OPLAH: variants seen among roughly 807,000 people sequenced by gnomAD.
OPLAH encodes 5-oxoprolinase.
In OPLAH, 103 loss-of-function variants were observed where a neutral mutation model predicts 122.8. The observed-to-expected ratio is 0.84, with a 90% CI of 0.71 to 0.99. The LOEUF is 0.99. OPLAH is among the 50% of genes least tolerant of loss of function. The pLI, the probability that OPLAH is intolerant of heterozygous loss-of-function variation, is 0.00. For missense variants in OPLAH, 1,902 were observed against 1,836.5 expected (o/e 1.04, Z -0.65); for synonymous variants, 875 against 796.0 (o/e 1.10, Z -1.67).
At chr8:144,058,740 T>G in intron 5 of OPLAH, 33 bp downstream of exon 5, 1 of 1,582,558 alleles carries the variant, frequency 6.3e-7, no homozygotes. Context: ...GCCCGGCACC[T>G]GCTCCCGCAG....
rs373316805 is a variant in OPLAH, at chr8:144,059,648, C to T, written c.314G>A (p.Arg105Gln). 2.5e-6 allele frequency: 4 copies of T among 1,612,220 alleles called. No homozygotes were observed. The highest frequency in any genetic ancestry group is 1.3e-5 in the African/African-American group (1 of 74,944). ...TTGGGTGCCAATGTGCAGCAGGTCT[C>T]GGAAGCCACGTGTCACCAGCAGCGC... ...RVALLVTRGF[R>Q]DLLHIGTQAR... Residue 105 changes from arginine to glutamine, a missense_variant, in exon 3 of 27, where the codon CGA (arginine) becomes CAA (glutamine). Arg to Gln is a conservative substitution (Grantham distance 43). Coordinates refer to ENST00000618853, the MANE Select transcript of OPLAH (RefSeq NM_017570.5).
Position 144,055,080 on chromosome 8 carries a change from G to T in OPLAH, c.2358C>A (p.Ala786=). ...CACCCAGGTGCACAGGGATGTGGGG[G>T]GCATTGGACACCAGCCCCCCATCGG... ...FGPDGGLVSN[A]PHIPVHLGAM... is the part of the protein sequence containing the mutation. The change falls in exon 17 of 27, where the codon GCC becomes GCA. Residue 786 remains alanine, a synonymous_variant. Transcript: ENST00000618853. The surrounding 1 kb of genome is among the most constrained non-coding windows in gnomAD (Gnocchi z 6.5). The T allele has an allele frequency of 1.3e-6, 2 of 1,562,896 alleles. 1 individual carries two copies. Among genetic ancestry groups the T allele is most frequent in the Non-Finnish European group, 1.7e-6 (2 of 1,155,124 alleles).
chr8:144,056,790 C>G, intron 12 of OPLAH, 35 bp from the exon 13 acceptor site: 1 of 1,579,314 alleles, frequency 6.3e-7, no homozygotes, highest in Non-Finnish European at 8.6e-7. Context: ...CACACCAAAC[C>G]CCCTGCCCTG....
At chr8:144,050,931 C>T (rs1255821593), downstream of OPLAH, 14 of 1,021,132 alleles carry the variant, frequency 1.4e-5, no homozygotes, top group East Asian at 1.0e-3. Context: ...ATGACACCGC[C>T]CCCCTACCAG....
At position 144,051,570 on chromosome 8, in the gene OPLAH, C is replaced by T. The variant is rs534883316; in HGVS notation, c.3721-98G>A. ...CCTCCCCACCGGGCAGCGTCCATCA[C>T]CCGCCCCCATGGACCACGGAGGCCC... On this transcript the variant is annotated intron_variant, in intron 26 of 26. Transcript: ENST00000618853. The T allele has an allele frequency of 2.5e-6, 3 of 1,215,798 alleles. No homozygotes were observed. In the African/African-American group the frequency reaches 4.7e-5, roughly 19 times the overall value. 75.3% of individuals were successfully genotyped at this position (1,215,798 alleles called of 1,614,324 possible). A position where few individuals can be genotyped will look rare whatever the true frequency, so the allele number is the denominator to read the frequency against.
At position 144,052,515 on chromosome 8, in the gene OPLAH, G is replaced by A. The variant is rs1360337284; in HGVS notation, c.3237C>T (p.Asn1079=). Residue 1079 remains asparagine, a synonymous_variant, in exon 23 of 27, where the codon AAC becomes AAT. Coordinates refer to ENST00000618853, the MANE Select transcript of OPLAH (RefSeq NM_017570.5). Reference sequence around the variant, plus strand: ...CCACCACGCGCTGCGACGTGAGCACGTTGCCGCCCACCACCGCCGCCTCGG... The same window carrying A: ...CCACCACGCGCTGCGACGTGAGCACATTGCCGCCCACCACCGCCGCCTCGG... The part of the protein sequence containing the change: ...PSPEAAVVGG[N]VLTSQRVVDV... 4 of 1,582,780 alleles carry A rather than the reference G, an allele frequency of 2.5e-6. No homozygotes were observed. Among genetic ancestry groups the A allele is most frequent in the Non-Finnish European group, 3.4e-6 (4 of 1,171,226 alleles).
rs1835618810 is a variant in OPLAH at position 144,059,662 on chromosome 8, C to T, written c.300G>A (p.Val100=). 1 of 1,612,590 alleles carries T rather than the reference C, an allele frequency of 6.2e-7. No individual in the cohort carries two copies. Among genetic ancestry groups the T allele is most frequent in the African/African-American group, 1.3e-5 (1 of 75,080 alleles). Residue 100 remains valine (V), a synonymous_variant, in exon 3 of 27, where the codon GTG becomes GTA. Transcript: ENST00000618853. ...GCAGCAGGTCTCGGAAGCCACGTGT[C>T]ACCAGCAGCGCCACCCGCTCCCCCT... ...ERKGERVALL[V]TRGFRDLLHI...
In OPLAH at chr8:144,056,427, C is replaced by T. The variant is rs1391440406; in HGVS notation, c.1941G>A (p.Glu647=). 12 of 1,609,100 alleles carry T rather than the reference C, an allele frequency of 7.5e-6. No homozygotes were observed. In the Admixed American group the frequency reaches 8.4e-5, roughly 11 times the overall value. Residue 647 remains glutamate, a synonymous_variant, in exon 14 of 27, where the codon GAG becomes GAA. Coordinates refer to ENST00000618853, the MANE Select transcript of OPLAH (RefSeq NM_017570.5). ...GCCCGGTCTGGGCTTTGGGGGCATCCTCGAGGCGAAGACCACTGCGGCCGG... is the reference window on the plus strand; with the variant it reads ...GCCCGGTCTGGGCTTTGGGGGCATCTTCGAGGCGAAGACCACTGCGGCCGG... ...RGTGRSGLRL[E]DAPKAQTGPP...
At chr8:144,057,176 C>T (rs782404129) in intron 11 of OPLAH, 32 bp downstream of exon 11, 2 of 1,604,654 alleles carry the variant, frequency 1.2e-6, no homozygotes, top group Admixed American at 1.7e-5. Flanking sequence ...GCGCAGATCA[C>T]ACCACCTCCG....
At chr8:144,056,552 G>A (rs1835520480) in intron 13 of OPLAH, 29 bp from the exon 14 acceptor site, 1 of 1,612,348 alleles carries the variant, frequency 6.2e-7, no homozygotes, top group Admixed American at 1.7e-5. Flanking sequence ...CCCAAGGAGT[G>A]GTCAGAGTGA....
rs782299905 is a variant in OPLAH, at chr8:144,051,775, C to T, written c.3674G>A (p.Arg1225Gln). ...CGTCTTGCCGCCCAGATTCACCGTC[C>T]GGCCGTTTTTGCGGATCAGCAGGTT... ...GLNLLIRKNGRTVNLGGKTSV... is the reference protein window; with the variant it reads ...GLNLLIRKNGQTVNLGGKTSV... The change falls in exon 26 of 27, where the codon CGG (arginine) becomes CAG (glutamine). Residue 1225 changes from arginine (R) to glutamine (Q), a missense_variant. Arg to Gln is a conservative substitution (Grantham distance 43). Coordinates refer to ENST00000618853, the MANE Select transcript of OPLAH (RefSeq NM_017570.5). The T allele has an allele frequency of 6.8e-6, 11 of 1,606,870 alleles. No homozygotes were observed. Among genetic ancestry groups the T allele is most frequent in the Non-Finnish European group, 9.3e-6 (11 of 1,178,314 alleles).
Position 144,054,802 on chromosome 8 carries a change from C to CA in OPLAH, c.2511+9dup, listed in dbSNP as rs1835468668. ...TGCCCCAGCAGAGGCAGGCGGGCAG[C>CA]ACCCCTCACCGGTGTGATAACAGTC... On this transcript the variant is annotated intron_variant, in intron 18 of 26. Coordinates refer to ENST00000618853, the MANE Select transcript of OPLAH (RefSeq NM_017570.5). 6.2e-7 allele frequency: 1 copy of CA among 1,612,002 alleles called. No individual in the cohort carries two copies. Among genetic ancestry groups the CA allele is most frequent in the Non-Finnish European group, 8.5e-7 (1 of 1,179,794 alleles).
Position 144,058,384 on chromosome 8 carries a change from C to T in OPLAH, c.804G>A (p.Met268Ile), listed in dbSNP as rs781835877. 1 of 1,593,376 alleles carries T rather than the reference C, an allele frequency of 6.3e-7. No homozygotes were observed. Among genetic ancestry groups the T allele is most frequent in the South Asian group, 1.1e-5 (1 of 89,702 alleles). Reference sequence around the variant, plus strand: ...TGGGCGCCAGGCCGCCATCGGAGCGCATGAACAACACCTGCACATCCTGCG... The same window carrying T: ...TGGGCGCCAGGCCGCCATCGGAGCGTATGAACAACACCTGCACATCCTGCG... ...GQLKDVQVLFMRSDGGLAPMD... is the reference protein window; with the variant it reads ...GQLKDVQVLFIRSDGGLAPMD... Residue 268 changes from methionine (M) to isoleucine (I), a missense_variant, in exon 7 of 27, where the codon ATG becomes ATA. Around this residue, in one of 3 missense-constraint regions of OPLAH, gnomAD observed 1,726 missense variants for 1,642.1 expected, o/e 1.05. Transcript: ENST00000618853.
intron 26 of OPLAH, 43 bp downstream of exon 26, chr8:144,051,686 G>A: frequency 7.9e-7 from 1 of 1,263,856 alleles, no homozygotes. Flanking sequence ...GGGGCCGGGA[G>A]GGGAGGGGAG....
upstream of OPLAH, among the ~76,000 whole-genome samples, chr8:144,062,010 C>T (rs1310905205): frequency 1.4e-5 from 2 of 145,874 alleles, no homozygotes; most frequent in Admixed American, 1.4e-4. Flanking sequence ...CAGAGTGAGA[C>T]TCCGTCTCAA....
chr8:144,051,223 G>T, downstream of OPLAH: 3 of 1,550,368 alleles, frequency 1.9e-6, no homozygotes, highest in East Asian at 2.3e-5. Flanking sequence ...CACAGATGAG[G>T]GGCGCGCGGC....
At chr8:144,051,059 C>T (rs782123899), downstream of OPLAH, 59 of 1,313,888 alleles carry the variant, frequency 4.5e-5, no homozygotes, top group Middle Eastern at 2.9e-3. Flanking sequence ...GCGGAGTTCC[C>T]GGGTGGCTGG....
Position 144,060,643 on chromosome 8 carries a change from C to G in OPLAH, c.-54+10G>C, listed in dbSNP as rs1835645555. The G allele has an allele frequency of 6.6e-6, 1 of 152,104 alleles. No homozygotes were observed. The highest frequency in any genetic ancestry group is 2.4e-5 in the African/African-American group (1 of 41,412). 9.4% of individuals were successfully genotyped at this position (152,104 alleles called of 1,614,324 possible). A position where few individuals can be genotyped will look rare whatever the true frequency, so the allele number is the denominator to read the frequency against. ...GCCGCGGAGGGGAGGCCGCCCGGCG[C>G]AGGCCCCACCTGGCGCTCGGCTCCG... On this transcript the variant is annotated intron_variant, in intron 1 of 26. Transcript: ENST00000618853.
Position 144,055,990 on chromosome 8 carries a change from C to A in OPLAH, c.2097-51G>T. On this transcript the variant is annotated intron_variant, in intron 15 of 26. Coordinates refer to ENST00000618853, the MANE Select transcript of OPLAH (RefSeq NM_017570.5). This position sits in a 1 kb window ranked among gnomAD's most constrained non-coding sequence, Gnocchi z 6.5. ...TGCATGGGGCCAGGCGACACCCCTCCAACCAGAGATGCCACGGCCCCAGGC... is the reference window on the plus strand; with the variant it reads ...TGCATGGGGCCAGGCGACACCCCTCAAACCAGAGATGCCACGGCCCCAGGC... 6.6e-7 allele frequency: 1 copy of A among 1,506,336 alleles called. No homozygotes were observed. Among genetic ancestry groups the A allele is most frequent in the Admixed American group, 2.2e-5 (1 of 46,158 alleles). 93.3% of individuals were successfully genotyped at this position (1,506,336 alleles called of 1,614,324 possible).
Sources: allele counts gnomAD v4.1 joint callset (sites outside exome capture counted in the v4.1 genomes callset), GRCh38; gene constraint gnomAD v4.1.1; regional missense constraint gnomAD v4.1.1; non-coding constraint Gnocchi (gnomAD v3.1); transcripts MANE v1.5; gene names NCBI Gene and HGNC (gene_info 2026-07-23, HGNC 2026-07-21).